NOL4: variants seen among roughly 807,000 people sequenced by gnomAD.
NOL4 encodes the protein cancer/testis antigen 125.
Under a neutral mutation model 75.9 loss-of-function variants are expected in NOL4, and 17 were observed. That is an observed-to-expected ratio of 0.22 (90% CI 0.15 to 0.34). NOL4 has a LOEUF of 0.34. Among genes scored for constraint, NOL4 ranks in the 10% least tolerant of loss-of-function variants. The pLI is 1.00. For synonymous variants in NOL4, 292 were observed against 289.9 expected (o/e 1.01, Z -0.07); for missense variants, 614 against 793.5 (o/e 0.77, Z 2.72).
intron 9 of NOL4, among the ~76,000 whole-genome samples, chr18:33,917,230 G>A (rs2066773473): frequency 6.8e-6 from 1 of 146,186 alleles, no homozygotes; most frequent in African/African-American, 2.5e-5. Flanking sequence ...GTAGATCTGT[G>A]AACTGTGGGC....
In NOL4 at chr18:33,883,431, G is replaced by A; in HGVS notation, c.1543-7C>T. 1 of 1,597,626 alleles carries A rather than the reference G, an allele frequency of 6.3e-7. No individual in the cohort carries two copies. Among genetic ancestry groups the A allele is most frequent in the Non-Finnish European group, 8.5e-7 (1 of 1,174,174 alleles). On this transcript the variant is annotated splice_region_variant and splice_polypyrimidine_tract_variant and intron_variant, in intron 9 of 10. Coordinates refer to ENST00000261592, the MANE Select transcript of NOL4 (RefSeq NM_003787.5). ...CAGCTGGAGCAGACTCATCCTGCAA[G>A]GACAGACAGCATTCCATTATTTATC...
chr18:33,976,161 G>A (rs2071473152), intron 6 of NOL4, among the ~76,000 whole-genome samples: 1 of 152,060 alleles, frequency 6.6e-6, no homozygotes, highest in South Asian at 2.1e-4. Context: ...GCTGGGGAGG[G>A]GCTAAGCTGT....
At chr18:34,144,592 A>G (rs1236606190) in intron 1 of NOL4, among the ~76,000 whole-genome samples, 1 of 152,160 alleles carries the variant, frequency 6.6e-6, no homozygotes, top group Non-Finnish European at 1.5e-5. Context: ...GGGTTTATTT[A>G]AAGTTTTGTT....
chr18:33,876,874 G>C (rs1383658773), intron 10 of NOL4, among the ~76,000 whole-genome samples: 2 of 151,912 alleles, frequency 1.3e-5, no homozygotes, highest in African/African-American at 2.4e-5. Context: ...AAACGAAACT[G>C]GTATTTAGAG....
intron 1 of NOL4, 40 bp from the exon 2 acceptor site, chr18:34,130,060 A>C: frequency 6.8e-7 from 1 of 1,467,174 alleles, no homozygotes; most frequent in Non-Finnish European, 9.0e-7. Context: ...CATAAGATTA[A>C]TAAACTAATT....
chr18:34,104,671 T>A (rs559262260), intron 3 of NOL4, among the ~76,000 whole-genome samples: 12 of 152,120 alleles, frequency 7.9e-5, no homozygotes, highest in African/African-American at 2.6e-4. Flanking sequence ...TAATGTAAAA[T>A]TTTTTAGTAA....
rs183246302 is a variant in NOL4, at chr18:34,192,474, A to T, written c.264+30516T>A. The stretch of plus-strand genomic sequence containing the variant: ...ACTTCGAAATACACTACAAAGCTGT[A>T]GTAATAAAAACAGTATGGTACTGGT... On this transcript the variant is annotated intron_variant, in intron 1 of 10. Coordinates refer to ENST00000261592, the MANE Select transcript of NOL4 (RefSeq NM_003787.5). Among the ~76,000 whole-genome samples, 59 of 152,352 alleles carry T rather than the reference A, an allele frequency of 3.9e-4. 1 individual carries two copies. The highest frequency in any genetic ancestry group is 3.1e-3 in the Admixed American group (48 of 15,302).
chr18:33,974,517 G>A (rs182594718), intron 6 of NOL4, among the ~76,000 whole-genome samples: 255 of 152,202 alleles, frequency 1.7e-3, no homozygotes, highest in African/African-American at 5.7e-3. Context: ...GAATACACAC[G>A]ACATTTATTT....
At chr18:34,046,485 G>A (rs1270140676) in intron 5 of NOL4, among the ~76,000 whole-genome samples, 1 of 151,470 alleles carries the variant, frequency 6.6e-6, no homozygotes, top group African/African-American at 2.4e-5. Context: ...ACAGGGAATG[G>A]AGAATTCTAA....
At chr18:33,858,901 A>G (rs1197331452) in intron 10 of NOL4, among the ~76,000 whole-genome samples, 3 of 152,092 alleles carry the variant, frequency 2.0e-5, no homozygotes, top group Non-Finnish European at 4.4e-5. Context: ...TTGGCCAATT[A>G]TGCTTTTGTA....
chr18:33,901,308 C>A (rs78844190), intron 9 of NOL4, among the ~76,000 whole-genome samples: 2,479 of 152,132 alleles, frequency 0.016, 68 homozygotes, highest in African/African-American at 0.057. Flanking sequence ...GAGTTATTGG[C>A]AAAATGCTCA....
chr18:34,003,673 C>G (rs1282653085), intron 6 of NOL4, among the ~76,000 whole-genome samples: 2 of 152,050 alleles, frequency 1.3e-5, no homozygotes, highest in Non-Finnish European at 2.9e-5. Context: ...TATAAGGATG[C>G]CCTAGTGCCC....
At chr18:34,107,104 ATCTTCTCTT>A (rs1181021969) in intron 2 of NOL4, among the ~76,000 whole-genome samples, 3 of 152,124 alleles carry the variant, frequency 2.0e-5, no homozygotes, top group African/African-American at 7.2e-5. Context: ...ACTTTCTGAA[ATCTTCTCTT>A]TTCCCCATGC....
At chr18:33,887,059 CTA>C (rs553905791) in intron 9 of NOL4, among the ~76,000 whole-genome samples, 101 of 131,270 alleles carry the variant, frequency 7.7e-4, no homozygotes, top group African/African-American at 2.9e-3. Context: ...TAATATATAT[CTA>C]TATATAATAT....
At chr18:34,026,793 G>A (rs532959062) in intron 5 of NOL4, among the ~76,000 whole-genome samples, 1 of 152,214 alleles carries the variant, frequency 6.6e-6, no homozygotes, top group Non-Finnish European at 1.5e-5. Flanking sequence ...ATTACCGTCA[G>A]TAACAGTGGT....
chr18:34,030,420 G>C (rs2075578864), intron 5 of NOL4, among the ~76,000 whole-genome samples: 1 of 152,136 alleles, frequency 6.6e-6, no homozygotes, highest in Non-Finnish European at 1.5e-5. Flanking sequence ...AAGGGCTCAA[G>C]AGATTCTAAG....
chr18:33,938,195 T>A (rs1418699608), intron 9 of NOL4, among the ~76,000 whole-genome samples: 1 of 152,096 alleles, frequency 6.6e-6, no homozygotes, highest in African/African-American at 2.4e-5. Context: ...GGCCGCAGTT[T>A]TCTTACATGT....
At chr18:34,002,260 C>T (rs1330913986) in intron 6 of NOL4, among the ~76,000 whole-genome samples, 9 of 151,766 alleles carry the variant, frequency 5.9e-5, no homozygotes, top group Non-Finnish European at 1.3e-4. Flanking sequence ...TCATTTTTTT[C>T]CAGTAGCCCC....
chr18:33,981,695 T>C (rs899506689), intron 6 of NOL4, among the ~76,000 whole-genome samples: 4 of 152,064 alleles, frequency 2.6e-5, no homozygotes, highest in South Asian at 2.1e-4. Flanking sequence ...AGAAGCTCTT[T>C]AGATTGAAGG....
Sources: allele counts gnomAD v4.1 joint callset (sites outside exome capture counted in the v4.1 genomes callset), GRCh38; gene constraint gnomAD v4.1.1; transcripts MANE v1.5; gene names NCBI Gene and HGNC (gene_info 2026-07-23, HGNC 2026-07-21).